Variants in GRID1 observed in about 807,000 individuals in gnomAD.
The protein encoded by GRID1 is glutamate receptor ionotropic, delta-1.
GRID1 carries 28 observed loss-of-function variants against 98.0 expected under a neutral mutation model. The ratio of observed to expected loss-of-function variants is 0.29; its 90% CI spans 0.21 to 0.39. The LOEUF (loss-of-function observed/expected upper bound fraction) is 0.39. GRID1 is among the 10% of genes least tolerant of loss of function. GRID1 has a pLI of 1.00. For synonymous variants in GRID1, 553 were observed against 538.5 expected, an observed-to-expected ratio of 1.03 and a Z score of -0.37; for missense variants, 1,111 against 1,340.5, an observed-to-expected ratio of 0.83 and a Z score of 2.67.
At chr10:86,118,160 G>T (rs1294960478) in intron 4 of GRID1, among the ~76,000 whole-genome samples, 1 of 152,066 alleles carries the variant, frequency 6.6e-6, no homozygotes. Context: ...CCATAAAATG[G>T]AATGAAATAA....
chr10:86,051,856 A>G (rs1429537945), intron 4 of GRID1, among the ~76,000 whole-genome samples: 1 of 152,248 alleles, frequency 6.6e-6, no homozygotes, highest in Non-Finnish European at 1.5e-5. Context: ...AATTGGCACA[A>G]CCCTTCTGGA....
At chr10:85,620,296 G>A (rs181922114) in intron 13 of GRID1, among the ~76,000 whole-genome samples, 174 of 152,348 alleles carry the variant, frequency 1.1e-3, no homozygotes, top group Middle Eastern at 6.8e-3. Flanking sequence ...GGAGCTAGAG[G>A]TGGGCTCTAA....
At chr10:85,911,717 T>C (rs1300862437) in intron 5 of GRID1, among the ~76,000 whole-genome samples, 1 of 152,216 alleles carries the variant, frequency 6.6e-6, no homozygotes, top group Non-Finnish European at 1.5e-5. Flanking sequence ...CAAGTCCCCA[T>C]CAACCTTGGT....
At chr10:85,616,424 G>C (rs1842789429) in intron 14 of GRID1, among the ~76,000 whole-genome samples, 1 of 152,148 alleles carries the variant, frequency 6.6e-6, no homozygotes, top group Non-Finnish European at 1.5e-5. Context: ...TCTGGCCCAG[G>C]GGATGGTGAG....
At chr10:85,803,238 G>T (rs966628382) in intron 8 of GRID1, among the ~76,000 whole-genome samples, 1 of 152,054 alleles carries the variant, frequency 6.6e-6, no homozygotes, top group African/African-American at 2.4e-5. Flanking sequence ...AGTATAATTG[G>T]ATTGATTTGT....
At chr10:85,879,587 A>C (rs12779825) in intron 5 of GRID1, among the ~76,000 whole-genome samples, 53,530 of 151,640 alleles carry the variant, frequency 0.35, 10,819 homozygotes, top group African/African-American at 0.56. Context: ...AACAAAGACA[A>C]AACATACGAG....
chr10:85,932,556 G>A (rs1841870023), intron 4 of GRID1, among the ~76,000 whole-genome samples: 1 of 152,106 alleles, frequency 6.6e-6, no homozygotes, highest in Non-Finnish European at 1.5e-5. Context: ...CCTATCCACT[G>A]TTGTCTCCTC....
intron 12 of GRID1, among the ~76,000 whole-genome samples, chr10:85,695,079 T>C (rs917146417): frequency 2.0e-5 from 3 of 152,206 alleles, no homozygotes; most frequent in Admixed American, 1.3e-4. Flanking sequence ...AAATAAAGTC[T>C]ACTAAATTTT....
At chr10:85,688,078 C>G (rs1167400422) in intron 12 of GRID1, among the ~76,000 whole-genome samples, 1 of 152,176 alleles carries the variant, frequency 6.6e-6, no homozygotes, top group African/African-American at 2.4e-5. Context: ...ATGGAAAATT[C>G]AAGTTTTCCA....
chr10:85,942,798 G>A (rs371479547), intron 4 of GRID1, among the ~76,000 whole-genome samples: 20 of 152,162 alleles, frequency 1.3e-4, no homozygotes, highest in African/African-American at 4.6e-4. Context: ...AGGAGAGGAA[G>A]TGAGGCATAG....
intron 12 of GRID1, among the ~76,000 whole-genome samples, chr10:85,720,633 C>CA (rs1178857868): frequency 0.14 from 10,670 of 79,004 alleles, 715 homozygotes; most frequent in African/African-American, 0.24. Context: ...AACAAACAGA[C>CA]AAAAAAAAAA....
At chr10:85,893,136 T>A (rs1320101557) in intron 5 of GRID1, among the ~76,000 whole-genome samples, 1 of 152,082 alleles carries the variant, frequency 6.6e-6, no homozygotes, top group Non-Finnish European at 1.5e-5. Flanking sequence ...AGACAAAACG[T>A]GATTATCTCA....
intron 8 of GRID1, among the ~76,000 whole-genome samples, chr10:85,737,673 T>TATAA (rs1342754070): frequency 0.018 from 2,022 of 112,978 alleles, 142 homozygotes; most frequent in African/African-American, 0.066. Context: ...TATATATATA[T>TATAA]AAACATATAT....
intron 14 of GRID1, among the ~76,000 whole-genome samples, chr10:85,616,030 C>T (rs368057374): frequency 2.6e-5 from 4 of 152,232 alleles, no homozygotes; most frequent in South Asian, 4.1e-4. Flanking sequence ...CAGGATATTG[C>T]GACAAAATGA....
In GRID1 at chr10:85,600,498, A is replaced by G. The variant is rs899320999; in HGVS notation, c.*1775T>C. The G allele has an allele frequency of 3.9e-5, 6 of 152,206 alleles. No homozygotes were observed. Among genetic ancestry groups the G allele is most frequent in the African/African-American group, 1.2e-4 (5 of 41,456 alleles). The allele number at this position is 152,206 out of a possible 1,614,324, so 9.4% of individuals were successfully genotyped here. ...ATAAATACATCTCTCTAGAAACTCT[A>G]CAAGGCTATAGAAGAAGCAATCAAT... On this transcript the variant is annotated 3_prime_UTR_variant, in exon 16 of 16. Coordinates refer to ENST00000327946, the MANE Select transcript of GRID1 (RefSeq NM_017551.3).
At position 85,728,072 on chromosome 10, in the gene GRID1, G is replaced by T; in HGVS notation, c.1336-20C>A. On this transcript the variant is annotated intron_variant, in intron 9 of 15. Transcript: ENST00000327946. ...CTCTTCCTGAGGACAACAGAATGAA[G>T]GTTCTCCAATTAAATAACAGGTTCA... 4 of 1,530,374 alleles carry T rather than the reference G, an allele frequency of 2.6e-6. No individual in the cohort carries two copies. In the South Asian group the frequency reaches 4.5e-5, roughly 17 times the overall value. 94.8% of individuals were successfully genotyped at this position (1,530,374 alleles called of 1,614,324 possible). A position where few individuals can be genotyped will look rare whatever the true frequency, so the allele number is the denominator to read the frequency against.
chr10:85,738,556 G>A (rs1841909624), intron 8 of GRID1, among the ~76,000 whole-genome samples: 1 of 152,194 alleles, frequency 6.6e-6, no homozygotes, highest in Non-Finnish European at 1.5e-5. Flanking sequence ...AATGTTCATT[G>A]AAGCTTTATT....
intron 2 of GRID1, among the ~76,000 whole-genome samples, chr10:86,273,712 T>C (rs1363039657): frequency 6.6e-6 from 1 of 152,212 alleles, no homozygotes; most frequent in Non-Finnish European, 1.5e-5. Flanking sequence ...AAATGTCTTC[T>C]TTTGAGAAGT....
chr10:85,832,384 A>G (rs1842874330), intron 8 of GRID1, among the ~76,000 whole-genome samples: 1 of 152,148 alleles, frequency 6.6e-6, no homozygotes, highest in Non-Finnish European at 1.5e-5. Flanking sequence ...CACATAAGAA[A>G]ATTTCAGACA....
Sources: allele counts gnomAD v4.1 joint callset (sites outside exome capture counted in the v4.1 genomes callset), GRCh38; gene constraint gnomAD v4.1.1; transcripts MANE v1.5; gene names NCBI Gene and HGNC (gene_info 2026-07-23, HGNC 2026-07-21).